DRG1: variants seen among roughly 807,000 people sequenced by gnomAD.
DRG1 encodes the protein developmentally-regulated GTP-binding protein 1.
DRG1 carries 19 observed loss-of-function variants against 38.8 expected under a neutral mutation model. The ratio of observed to expected loss-of-function variants is 0.49; its 90% confidence interval spans 0.34 to 0.72. DRG1 has a LOEUF of 0.72. Ranked by LOEUF, DRG1 falls within the 30% of genes least tolerant of loss-of-function variation. DRG1 has a pLI of 0.01. For missense variants in DRG1, 299 were observed against 444.8 expected (o/e 0.67, Z 2.95); for synonymous variants, 167 against 157.5 (o/e 1.06, Z -0.45).
At chr22:31,420,073 C>T (rs2050067682) in intron 4 of DRG1, among the ~76,000 whole-genome samples, 183 bp from the exon 5 acceptor site, 1 of 152,054 alleles carries the variant, frequency 6.6e-6, no homozygotes, top group African/African-American at 2.4e-5. Context: ...TCATGGCATA[C>T]AAAGCAAATT....
At chr22:31,418,588 AC>A (rs1376642551) in intron 4 of DRG1, among the ~76,000 whole-genome samples, 1 of 151,836 alleles carries the variant, frequency 6.6e-6, no homozygotes, top group East Asian at 1.9e-4. Flanking sequence ...GCTCACTGCA[AC>A]CTCTGCCTCC....
At chr22:31,420,448 G>T in intron 5 of DRG1, 23 bp downstream of exon 5, 2 of 1,613,524 alleles carry the variant, frequency 1.2e-6, no homozygotes, top group Non-Finnish European at 8.5e-7. Context: ...TATGACATGG[G>T]GCAGGCTGCT....
intron 4 of DRG1, among the ~76,000 whole-genome samples, chr22:31,413,856 C>A (rs1230459948): frequency 6.6e-6 from 1 of 152,074 alleles, no homozygotes; most frequent in Non-Finnish European, 1.5e-5. Context: ...TCAGGTGATC[C>A]ACCCACCTTG....
At chr22:31,431,254 TCGATCTCC>T in intron 8 of DRG1, among the ~76,000 whole-genome samples, 3 of 151,932 alleles carry the variant, frequency 2.0e-5, no homozygotes, top group African/African-American at 7.3e-5. Context: ...CAGGATGGTC[TCGATCTCC>T]TGACCTCGTG....
intron 5 of DRG1, among the ~76,000 whole-genome samples, 180 bp from the exon 6 acceptor site, chr22:31,423,100 A>G (rs1229350506): frequency 6.6e-6 from 1 of 152,144 alleles, no homozygotes; most frequent in African/African-American, 2.4e-5. Flanking sequence ...TCAGCGTGTA[A>G]CACCTTCCTT....
At chr22:31,418,994 T>C (rs1217292378) in intron 4 of DRG1, among the ~76,000 whole-genome samples, 1 of 152,138 alleles carries the variant, frequency 6.6e-6, no homozygotes, top group Non-Finnish European at 1.5e-5. Context: ...TTTCTATTTT[T>C]AGCAGAGACA....
chr22:31,434,335 T>C lies in DRG1; in HGVS notation c.*364T>C, dbSNP rs1208718439. 9.4e-6 allele frequency: 2 copies of C among 211,794 alleles called. No individual in the cohort carries two copies. 13.1% of individuals were successfully genotyped at this position (211,794 alleles called of 1,614,324 possible). ...GACATGCTGCATCTTACTTGATGTTTACTTATGGGAACCCCTTCCAAACTA... is the reference window on the plus strand; with the variant it reads ...GACATGCTGCATCTTACTTGATGTTCACTTATGGGAACCCCTTCCAAACTA... On this transcript the variant is annotated 3_prime_UTR_variant, in exon 9 of 9. Transcript: ENST00000331457.
At chr22:31,416,850 C>A (rs567757060) in intron 4 of DRG1, among the ~76,000 whole-genome samples, 1 of 149,294 alleles carries the variant, frequency 6.7e-6, no homozygotes, top group Non-Finnish European at 1.5e-5. Context: ...TTGTAGTGAG[C>A]GGAAATTGCA....
At chr22:31,399,781 G>C in intron 1 of DRG1, 56 bp downstream of exon 1, 1 of 1,612,640 alleles carries the variant, frequency 6.2e-7, no homozygotes, top group South Asian at 1.1e-5. Context: ...CTTTGGTGGC[G>C]TCGCTCCTTC....
intron 8 of DRG1, among the ~76,000 whole-genome samples, chr22:31,429,795 G>A (rs897280806): frequency 4.6e-5 from 7 of 152,054 alleles, no homozygotes; most frequent in East Asian, 1.9e-4. Flanking sequence ...CCAAGTGTGC[G>A]CCACCATGCC....
chr22:31,427,731 A>G (rs1293931819), intron 8 of DRG1, among the ~76,000 whole-genome samples: 1 of 151,982 alleles, frequency 6.6e-6, no homozygotes, highest in South Asian at 2.1e-4. Context: ...ATACCCGGCT[A>G]ATTTTTAATT....
At chr22:31,406,387 C>A (rs1185639596) in intron 3 of DRG1, among the ~76,000 whole-genome samples, 1 of 152,164 alleles carries the variant, frequency 6.6e-6, no homozygotes, top group African/African-American at 2.4e-5. Flanking sequence ...AATGCACTTT[C>A]TTTTCCATAG....
chr22:31,411,373 A>AT (rs111574501), intron 4 of DRG1, among the ~76,000 whole-genome samples: 4,142 of 152,178 alleles, frequency 0.027, 157 homozygotes, highest in Admixed American at 0.079. Flanking sequence ...AGCTTTAGAC[A>AT]TTTTATATGG....
At chr22:31,410,737 C>A (rs928906677) in intron 3 of DRG1, among the ~76,000 whole-genome samples, 1 of 151,928 alleles carries the variant, frequency 6.6e-6, no homozygotes, top group African/African-American at 2.4e-5. Context: ...ATCCCTTGAA[C>A]CCGAGAGGCA....
At chr22:31,418,301 G>GA (rs910933343) in intron 4 of DRG1, among the ~76,000 whole-genome samples, 2 of 151,916 alleles carry the variant, frequency 1.3e-5, no homozygotes, top group South Asian at 4.2e-4. Flanking sequence ...TTAAAAAAAA[G>GA]AAAAAAATAG....
intron 4 of DRG1, among the ~76,000 whole-genome samples, chr22:31,420,013 A>C (rs565872088): frequency 3.3e-4 from 51 of 152,342 alleles, no homozygotes; most frequent in African/African-American, 1.2e-3. Context: ...ACTGCACTCC[A>C]GCCTGGGCAA....
At chr22:31,411,110 G>T (rs1569046908) in intron 4 of DRG1, 29 bp downstream of exon 4, 22 of 1,610,192 alleles carry the variant, frequency 1.4e-5, no homozygotes, top group Non-Finnish European at 1.8e-5. Flanking sequence ...ACCATCCTGG[G>T]ATATCATTCC....
chr22:31,400,026 G>A (rs919770674), intron 1 of DRG1, among the ~76,000 whole-genome samples: 6 of 152,088 alleles, frequency 3.9e-5, no homozygotes, highest in African/African-American at 1.2e-4. Context: ...TTTGGCTCCT[G>A]TTCTGATGTT....
intron 3 of DRG1, among the ~76,000 whole-genome samples, chr22:31,404,034 T>C (rs2049976862): frequency 6.7e-6 from 1 of 150,094 alleles, no homozygotes; most frequent in African/African-American, 2.5e-5. Flanking sequence ...CTCAGGACTT[T>C]TGAGTATTTC....
Sources: allele counts gnomAD v4.1 joint callset (sites outside exome capture counted in the v4.1 genomes callset), GRCh38; gene constraint gnomAD v4.1.1; transcripts MANE v1.5; gene names NCBI Gene and HGNC (gene_info 2026-07-23, HGNC 2026-07-21).